Variants in SERPINE3 observed in about 807,000 individuals in gnomAD.
SERPINE3 encodes serpin family E member 3, also known as serpin E3.
A neutral mutation model predicts 41.7 loss-of-function variants in SERPINE3; 43 were observed. That is an observed-to-expected ratio of 1.03 (90% confidence interval 0.81 to 1.33). The LOEUF is 1.33. Ranked by LOEUF, SERPINE3 falls within the 40% of genes most tolerant of loss-of-function variation. SERPINE3 has a pLI of 0.00. For synonymous variants in SERPINE3, 200 were observed against 192.2 expected, an observed-to-expected ratio of 1.04 and a Z score of -0.34; for missense variants, 440 against 491.7, an observed-to-expected ratio of 0.89 and a Z score of 0.99.
At chr13:51,340,065 C>T (rs1335928634) in intron 1 of SERPINE3, among the ~76,000 whole-genome samples, 3 of 152,210 alleles carry the variant, frequency 2.0e-5, no homozygotes, top group Non-Finnish European at 2.9e-5. Context: ...TAGGCACCAT[C>T]GTGCTCAGTG....
intron 3 of SERPINE3, among the ~76,000 whole-genome samples, 197 bp from the exon 4 acceptor site, chr13:51,344,055 C>T (rs944124851): frequency 6.6e-6 from 1 of 152,204 alleles, no homozygotes; most frequent in African/African-American, 2.4e-5. Flanking sequence ...TTCTTCCCAA[C>T]TTTTAATTGG....
At chr13:51,354,990 A>G in intron 6 of SERPINE3, 53 bp from the exon 7 acceptor site, 1 of 887,646 alleles carries the variant, frequency 1.1e-6, no homozygotes, top group Non-Finnish European at 1.8e-6. Context: ...GGTGTGTATG[A>G]AAGTATATTG....
At chr13:51,362,010 T>C (rs1955587810) in intron 9 of SERPINE3, 117 bp downstream of exon 9, 1 of 1,608,434 alleles carries the variant, frequency 6.2e-7, no homozygotes, top group Non-Finnish European at 8.5e-7. Context: ...GTTTTTATGG[T>C]GCTTCAGAAG....
At chr13:51,352,310 G>A (rs1420259447) in intron 6 of SERPINE3, among the ~76,000 whole-genome samples, 2 of 151,918 alleles carry the variant, frequency 1.3e-5, no homozygotes, top group Non-Finnish European at 2.9e-5. Context: ...TTTTCATTAT[G>A]CAAGTCTTGC....
chr13:51,355,275 G>A (rs936527338), intron 7 of SERPINE3, 132 bp downstream of exon 7: 1 of 562,314 alleles, frequency 1.8e-6, no homozygotes, highest in Non-Finnish European at 3.2e-6. Flanking sequence ...TTTTATATAA[G>A]AATGTGTTGC....
chr13:51,361,545 A>G, intron 8 of SERPINE3, 181 bp downstream of exon 8: 1 of 593,564 alleles, frequency 1.7e-6, no homozygotes, highest in East Asian at 2.8e-5. Context: ...GGGGAAGAAG[A>G]GATATCCATC....
intron 7 of SERPINE3, among the ~76,000 whole-genome samples, chr13:51,361,023 C>T (rs1427529242): frequency 2.6e-5 from 4 of 151,882 alleles, no homozygotes; most frequent in Middle Eastern, 3.4e-3. Flanking sequence ...ATTTTGGGAG[C>T]GATTACATAT....
chr13:51,363,386 TTC>T (rs1566199808), intron 9 of SERPINE3: 1 of 151,986 alleles, frequency 6.6e-6, no homozygotes, highest in Non-Finnish European at 1.5e-5. Flanking sequence ...GTGGCTGCTC[TTC>T]TGGTGATGGT....
In SERPINE3 at chr13:51,357,219, G is replaced by A. The variant is rs78509524; in HGVS notation, c.1000+2076G>A. 4.8e-3 allele frequency among the ~76,000 whole-genome samples: 735 copies of A among 152,250 alleles called. 8 individuals are homozygous for A. The highest frequency in any genetic ancestry group is 0.017 in the African/African-American group (687 of 41,544). On this transcript the variant is annotated intron_variant, in intron 7 of 9. Coordinates refer to ENST00000681248, the MANE Select transcript of SERPINE3 (RefSeq NM_001386375.1). ...TGTCCTTCTTTAAACATAATCAAGA[G>A]ACTAACCACTTCTCTGCCCAAATGG...
chr13:51,352,417 G>T (rs968465046), intron 6 of SERPINE3, among the ~76,000 whole-genome samples: 1 of 149,636 alleles, frequency 6.7e-6, no homozygotes, highest in Admixed American at 6.7e-5. Context: ...ATTGATTTTT[G>T]TATCTTAATC....
At chr13:51,349,645 C>A (rs1448207016) in intron 6 of SERPINE3, among the ~76,000 whole-genome samples, 1 of 152,148 alleles carries the variant, frequency 6.6e-6, no homozygotes, top group Admixed American at 6.5e-5. Context: ...CTGGAAGAGA[C>A]CCCGGGGAAA....
In SERPINE3 at chr13:51,348,318, C is replaced by T. The variant is rs1022352362; in HGVS notation, c.806C>T (p.Pro269Leu). The change falls in exon 6 of 10, where the codon CCC (proline) becomes CTC (leucine). Residue 269 changes from proline to leucine, a missense_variant. Coordinates refer to ENST00000681248, the MANE Select transcript of SERPINE3 (RefSeq NM_001386375.1). ...GTGCTGCCCCGTGACAAAGACACCC[C>T]CCTGAGCCACATCGAGCCACACCTC... is the stretch of plus-strand genomic sequence containing the variant. ...FLVLPRDKDT[P>L]LSHIEPHLTA... The T allele has an allele frequency of 9.3e-6, 15 of 1,613,816 alleles. No individual in the cohort carries two copies. Among genetic ancestry groups the T allele is most frequent in the Non-Finnish European group, 1.3e-5 (15 of 1,179,836 alleles).
intron 7 of SERPINE3, among the ~76,000 whole-genome samples, chr13:51,360,450 T>C (rs996933727): frequency 6.6e-6 from 1 of 152,056 alleles, no homozygotes; most frequent in Admixed American, 6.6e-5. Flanking sequence ...ATTTCCTAAG[T>C]TTCTTCTGGT....
At chr13:51,350,291 A>T (rs763228905) in intron 6 of SERPINE3, among the ~76,000 whole-genome samples, 19 of 152,166 alleles carry the variant, frequency 1.2e-4, no homozygotes, top group Non-Finnish European at 2.1e-4. Context: ...AATAAATAAA[A>T]AAAGTGCATA....
At chr13:51,363,953 T>TAGA (rs1207758614) in intron 9 of SERPINE3, 1 of 224,576 alleles carries the variant, frequency 4.5e-6, no homozygotes, top group East Asian at 8.9e-5. Context: ...GCTGAATCTC[T>TAGA]TTCCTAGATA....
chr13:51,357,518 G>A (rs1033513012), intron 7 of SERPINE3, among the ~76,000 whole-genome samples: 4 of 151,912 alleles, frequency 2.6e-5, no homozygotes, highest in East Asian at 1.9e-4. Flanking sequence ...TTGGCCTTTC[G>A]GTCCCAAAGC....
At chr13:51,361,753 GTTA>G in intron 8 of SERPINE3, 54 bp from the exon 9 acceptor site, 1 of 1,451,076 alleles carries the variant, frequency 6.9e-7, no homozygotes, top group Admixed American at 2.3e-5. Flanking sequence ...ATAACCAATA[GTTA>G]TTTTCTTAAA....
At chr13:51,359,363 T>C (rs1159349550) in intron 7 of SERPINE3, among the ~76,000 whole-genome samples, 1 of 152,134 alleles carries the variant, frequency 6.6e-6, no homozygotes, top group Non-Finnish European at 1.5e-5. Context: ...GTTGGTCTTT[T>C]GAAATGTCAA....
intron 3 of SERPINE3, among the ~76,000 whole-genome samples, chr13:51,342,715 C>T (rs1377495053): frequency 6.6e-6 from 1 of 152,132 alleles, no homozygotes; most frequent in Non-Finnish European, 1.5e-5. Context: ...GACCATTCCT[C>T]AGGTCACACC....
Sources: gnomAD v4.1 joint callset for allele counts (sites outside exome capture counted in the v4.1 genomes callset) on GRCh38, gnomAD v4.1.1 for gene constraint, MANE v1.5 for transcripts, NCBI Gene and HGNC (gene_info 2026-07-23, HGNC 2026-07-21) for gene names.